The following MAP2K5 variants were observed in gnomAD, a reference collection of about 807,000 sequenced individuals.
MAP2K5 encodes the protein dual specificity mitogen-activated protein kinase kinase 5.
A neutral mutation model predicts 83.1 loss-of-function variants in MAP2K5; 49 were observed. That is an observed-to-expected ratio of 0.59 (90% confidence interval 0.47 to 0.75). MAP2K5 has a LOEUF of 0.75. MAP2K5 is among the 30% of genes least tolerant of loss of function. The probability of loss-of-function intolerance (pLI) is 0.00; values close to 1 mark genes in which losing one functional copy is unlikely to be tolerated. For synonymous variants in MAP2K5, 202 were observed against 191.8 expected (o/e 1.05, Z -0.44); for missense variants, 457 against 557.5 (o/e 0.82, Z 1.82).
chr15:67,784,049 ATTTAT>A (rs554560043), intron 21 of MAP2K5, among the ~76,000 whole-genome samples: 43 of 152,226 alleles, frequency 2.8e-4, no homozygotes, highest in Non-Finnish European at 5.4e-4. Flanking sequence ...TAAAAAATTG[ATTTAT>A]TATATAGAGA....
intron 19 of MAP2K5, among the ~76,000 whole-genome samples, chr15:67,759,430 C>T (rs2089906377): frequency 6.6e-6 from 1 of 151,834 alleles, no homozygotes; most frequent in South Asian, 2.1e-4. Flanking sequence ...CATGGTGGCA[C>T]GTGCCTGTAG....
chr15:67,616,865 T>C (rs1408543315), intron 8 of MAP2K5, among the ~76,000 whole-genome samples: 2 of 152,234 alleles, frequency 1.3e-5, no homozygotes, highest in Non-Finnish European at 2.9e-5. Context: ...GGAGAACCTT[T>C]CAACAATTGA....
intron 11 of MAP2K5, among the ~76,000 whole-genome samples, chr15:67,658,264 A>AT (rs1188616875): frequency 1.3e-5 from 2 of 152,142 alleles, no homozygotes; most frequent in Admixed American, 6.6e-5. Flanking sequence ...TTGTGTATGT[A>AT]TTTAAGTTTA....
intron 11 of MAP2K5, among the ~76,000 whole-genome samples, chr15:67,649,072 A>G (rs2086897462): frequency 6.6e-6 from 1 of 151,994 alleles, no homozygotes; most frequent in African/African-American, 2.4e-5. Context: ...TGTCTTTTTA[A>G]AATTGTGGGC....
In MAP2K5 at chr15:67,543,562, G is replaced by C; in HGVS notation, c.135+92G>C. Reference sequence around the variant, plus strand: ...TGACCACTGGTGACCTGAGCCAGTGGCAATGGCTACTGCTGGCTTCCTGTG... The same window carrying C: ...TGACCACTGGTGACCTGAGCCAGTGCCAATGGCTACTGCTGGCTTCCTGTG... On this transcript the variant is annotated intron_variant, in intron 1 of 21. Transcript: ENST00000178640. This position sits in a 1 kb window ranked among gnomAD's most constrained non-coding sequence, Gnocchi z 4.3. The C allele has an allele frequency of 1.4e-6, 2 of 1,460,412 alleles. No homozygotes were observed. Among genetic ancestry groups the C allele is most frequent in the Non-Finnish European group, 1.9e-6 (2 of 1,052,846 alleles). The allele number at this position is 1,460,412 out of a possible 1,614,324, so 90.5% of individuals were successfully genotyped here.
At chr15:67,699,117 A>G (rs926873518) in intron 15 of MAP2K5, among the ~76,000 whole-genome samples, 3 of 151,988 alleles carry the variant, frequency 2.0e-5, no homozygotes, top group African/African-American at 4.8e-5. Flanking sequence ...CTGTTTAAAT[A>G]TGCTAGCTAA....
At chr15:67,751,928 G>A (rs1219979521) in intron 19 of MAP2K5, among the ~76,000 whole-genome samples, 1 of 152,190 alleles carries the variant, frequency 6.6e-6, no homozygotes, top group Non-Finnish European at 1.5e-5. Context: ...TGGCTGTACT[G>A]CTCTGCATAG....
At chr15:67,554,961 A>G (rs1360627441) in intron 2 of MAP2K5, among the ~76,000 whole-genome samples, 2 of 152,180 alleles carry the variant, frequency 1.3e-5, no homozygotes, top group Non-Finnish European at 2.9e-5. Flanking sequence ...AAATTCCCAC[A>G]TTTGACTGAC....
chr15:67,741,678 T>C (rs1277868735), intron 17 of MAP2K5, among the ~76,000 whole-genome samples: 2 of 152,020 alleles, frequency 1.3e-5, no homozygotes, highest in Non-Finnish European at 2.9e-5. Flanking sequence ...TGTTGGAGTA[T>C]CCTTAGTAAT....
At chr15:67,756,272 A>C (rs751003827) in intron 19 of MAP2K5, among the ~76,000 whole-genome samples, 2 of 152,168 alleles carry the variant, frequency 1.3e-5, no homozygotes, top group African/African-American at 4.8e-5. Flanking sequence ...CCATCTTCTT[A>C]TGCTGCTTTC....
At chr15:67,679,064 TTTTA>T (rs1038874068) in intron 13 of MAP2K5, among the ~76,000 whole-genome samples, 5 of 151,786 alleles carry the variant, frequency 3.3e-5, no homozygotes, top group Admixed American at 2.6e-4. Context: ...GTGAAGGAGC[TTTTA>T]TTTGTTTTGA....
chr15:67,669,158 T>G (rs2087461492), intron 13 of MAP2K5, among the ~76,000 whole-genome samples: 1 of 152,176 alleles, frequency 6.6e-6, no homozygotes, highest in South Asian at 2.1e-4. Context: ...TTCTAGGCGC[T>G]TTCACAGTAC....
At chr15:67,691,407 AT>A (rs1293932286) in intron 13 of MAP2K5, among the ~76,000 whole-genome samples, 1 of 152,194 alleles carries the variant, frequency 6.6e-6, no homozygotes, top group Non-Finnish European at 1.5e-5. Context: ...TGAACTTGAA[AT>A]TTGAATTAAG....
rs2084541737 is a variant in MAP2K5, at chr15:67,552,925, CT to C, written c.184+2844del. 2.6e-5 allele frequency among the ~76,000 whole-genome samples: 4 copies of C among 152,110 alleles called. No homozygotes were observed. The highest frequency in any genetic ancestry group is 9.7e-5 in the African/African-American group (4 of 41,410). On this transcript the variant is annotated intron_variant, in intron 2 of 21. Transcript: ENST00000178640. The surrounding 1 kb of genome is among the most constrained non-coding windows in gnomAD (Gnocchi z 4.2). ...GTCATAATTATTGAAATCATATATT[CT>C]GGTTGTTCTTAAGCATGGTAAAAAG... is the stretch of plus-strand genomic sequence containing the variant.
chr15:67,739,261 CAG>C (rs1491391816), intron 17 of MAP2K5, among the ~76,000 whole-genome samples: 5 of 131,838 alleles, frequency 3.8e-5, no homozygotes, highest in Non-Finnish European at 8.0e-5. Context: ...GCCTGGGCAA[CAG>C]AGTGAGACCC....
chr15:67,637,256 T>G lies in MAP2K5; in HGVS notation c.585+6329T>G, dbSNP rs981046077. On this transcript the variant is annotated intron_variant, in intron 9 of 21. Coordinates refer to ENST00000178640, the MANE Select transcript of MAP2K5 (RefSeq NM_145160.3). The surrounding 1 kb of genome is among the most constrained non-coding windows in gnomAD (Gnocchi z 4.5). Reference sequence around the variant, plus strand: ...GTCAATACTCCTTAATAAATTCCCCTTCATATATACATCTATCCTATTAGT... The same window carrying G: ...GTCAATACTCCTTAATAAATTCCCCGTCATATATACATCTATCCTATTAGT... Among the ~76,000 whole-genome samples the G allele has an allele frequency of 6.6e-6, 1 of 152,176 alleles. No individual in the cohort carries two copies. The highest frequency in any genetic ancestry group is 1.5e-5 in the Non-Finnish European group (1 of 68,030).
At position 67,561,877 on chromosome 15, in the gene MAP2K5, A is replaced by G. The variant is rs1429184889; in HGVS notation, c.185-1406A>G. Among the ~76,000 whole-genome samples, 1 of 152,194 alleles carries G rather than the reference A, an allele frequency of 6.6e-6. No individual in the cohort carries two copies. Among genetic ancestry groups the G allele is most frequent in the Non-Finnish European group, 1.5e-5 (1 of 68,020 alleles). ...TGGAACTACAGCCAGACAGGAGGGA[A>G]GACCCACTGACTTGTGGTAGGGGAA... On this transcript the variant is annotated intron_variant, in intron 2 of 21. Transcript: ENST00000178640. The surrounding 1 kb of genome is among the most constrained non-coding windows in gnomAD (Gnocchi z 4.2).
At chr15:67,753,501 A>G (rs1432219875) in intron 19 of MAP2K5, among the ~76,000 whole-genome samples, 2 of 152,200 alleles carry the variant, frequency 1.3e-5, no homozygotes, top group Admixed American at 6.5e-5. Context: ...ATAAATAAAA[A>G]GACAAATAGC....
At chr15:67,771,935 C>T (rs892062421) in intron 20 of MAP2K5, among the ~76,000 whole-genome samples, 1 of 152,216 alleles carries the variant, frequency 6.6e-6, no homozygotes, top group Non-Finnish European at 1.5e-5. Context: ...ATACAGCCAT[C>T]AAGTAGGCAG....
Sources: allele counts gnomAD v4.1 joint callset (sites outside exome capture counted in the v4.1 genomes callset), GRCh38; gene constraint gnomAD v4.1.1; non-coding constraint Gnocchi (gnomAD v3.1); transcripts MANE v1.5; gene names NCBI Gene and HGNC (gene_info 2026-07-23, HGNC 2026-07-21).